LRRIQ3: variants seen among roughly 807,000 people sequenced by gnomAD.
LRRIQ3 encodes leucine rich repeats and IQ motif containing 3.
A neutral mutation model predicts 59.3 loss-of-function variants in LRRIQ3; 75 were observed. The ratio of observed to expected loss-of-function variants is 1.26; its 90% CI spans 1.05 to 1.53. The LOEUF (loss-of-function observed/expected upper bound fraction) is 1.53, where lower values mean the gene tolerates loss of function less well. Among genes scored for constraint, LRRIQ3 ranks in the 40% most tolerant of loss-of-function variants. LRRIQ3 has a pLI of 0.00. For synonymous variants in LRRIQ3, 250 were observed against 231.3 expected (o/e 1.08, Z -0.73); for missense variants, 831 against 710.0 (o/e 1.17, Z -1.94).
intron 3 of LRRIQ3, among the ~76,000 whole-genome samples, chr1:74,168,753 A>G (rs1649147803): frequency 6.6e-6 from 1 of 152,032 alleles, no homozygotes; most frequent in Non-Finnish European, 1.5e-5. Context: ...TTTCTCCCTC[A>G]GTTTTCCTGA....
At chr1:74,087,379 ATCTT>A (rs1646337768) in intron 5 of LRRIQ3, among the ~76,000 whole-genome samples, 1 of 20,948 alleles carries the variant, frequency 4.8e-5, no homozygotes, top group Non-Finnish European at 9.0e-5. Flanking sequence ...TTAAAATTTT[ATCTT>A]TTTTTTTTTT....
chr1:74,098,496 G>A (rs1298901936), intron 5 of LRRIQ3, among the ~76,000 whole-genome samples: 11 of 151,998 alleles, frequency 7.2e-5, no homozygotes, highest in African/African-American at 1.4e-4. Flanking sequence ...GCAGATCAAC[G>A]AGACAGAAAG....
At chr1:74,161,624 T>C (rs927721119) in intron 3 of LRRIQ3, among the ~76,000 whole-genome samples, 18 of 151,876 alleles carry the variant, frequency 1.2e-4, no homozygotes, top group African/African-American at 3.6e-4. Flanking sequence ...TAGAACCAAG[T>C]AGCCCTGGTC....
intron 6 of LRRIQ3, among the ~76,000 whole-genome samples, chr1:74,042,557 A>G (rs1424591757): frequency 6.6e-6 from 1 of 152,198 alleles, no homozygotes; most frequent in African/African-American, 2.4e-5. Flanking sequence ...GTTTGTTTAC[A>G]TACTAAGTTA....
chr1:74,067,871 G>GC (rs1251309445), intron 6 of LRRIQ3, among the ~76,000 whole-genome samples: 1 of 151,980 alleles, frequency 6.6e-6, no homozygotes. Context: ...TTCCATATGT[G>GC]CAAGGCCCTA....
intron 5 of LRRIQ3, among the ~76,000 whole-genome samples, chr1:74,094,344 G>A (rs984567328): frequency 6.6e-6 from 1 of 152,048 alleles, no homozygotes; most frequent in African/African-American, 2.4e-5. Context: ...TTATTGTGGT[G>A]TGCCTGATAA....
intron 4 of LRRIQ3, among the ~76,000 whole-genome samples, chr1:74,110,117 T>C (rs780128199): frequency 4.0e-5 from 6 of 151,760 alleles, no homozygotes; most frequent in Non-Finnish European, 5.9e-5. Flanking sequence ...TTTAACCCAA[T>C]AGATCAAAAA....
intron 4 of LRRIQ3, among the ~76,000 whole-genome samples, chr1:74,119,433 G>A (rs1646821726): frequency 1.3e-5 from 2 of 151,750 alleles, no homozygotes; most frequent in African/African-American, 4.8e-5. Context: ...CTATTTATAT[G>A]TGAACATTTT....
intron 6 of LRRIQ3, among the ~76,000 whole-genome samples, chr1:74,048,155 G>A (rs1654258890): frequency 6.6e-6 from 1 of 152,154 alleles, no homozygotes. Context: ...AGCTTGAACA[G>A]ACTAACACAA....
At chr1:74,055,612 G>A (rs1347358868) in intron 6 of LRRIQ3, among the ~76,000 whole-genome samples, 1 of 152,062 alleles carries the variant, frequency 6.6e-6, no homozygotes, top group African/African-American at 2.4e-5. Context: ...CTTACTGGTT[G>A]ATGGATATTT....
chr1:74,130,479 G>A (rs1054319579), intron 4 of LRRIQ3, among the ~76,000 whole-genome samples: 1 of 152,146 alleles, frequency 6.6e-6, no homozygotes, highest in Admixed American at 6.6e-5. Context: ...CACTGCCAGA[G>A]TGTGGGGGAA....
chr1:74,059,920 C>T (rs1451793406), intron 6 of LRRIQ3, among the ~76,000 whole-genome samples: 1 of 151,672 alleles, frequency 6.6e-6, no homozygotes, highest in Non-Finnish European at 1.5e-5. Flanking sequence ...TTATTTTATT[C>T]TTTTTTGTTG....
At chr1:74,189,532 C>T (rs546085318) in intron 1 of LRRIQ3, among the ~76,000 whole-genome samples, 2 of 152,062 alleles carry the variant, frequency 1.3e-5, no homozygotes, top group African/African-American at 4.8e-5. Flanking sequence ...GGGTTTAGAA[C>T]AGTGTTTGGC....
At position 74,026,383 on chromosome 1, in the gene LRRIQ3, T is replaced by C. The variant is rs767917560; in HGVS notation, c.*430A>G. 6.6e-6 allele frequency: 1 copy of C among 152,272 alleles called. No homozygotes were observed. Among genetic ancestry groups the C allele is most frequent in the Non-Finnish European group, 1.5e-5 (1 of 68,114 alleles). 9.4% of individuals were successfully genotyped at this position (152,272 alleles called of 1,614,324 possible). ...GTTTTAACAAAATAAGCAGGAAATA[T>C]ATAAAAGCAGGTAATAAAAGTCATC... On this transcript the variant is annotated 3_prime_UTR_variant, in exon 8 of 8. Coordinates refer to ENST00000354431, the MANE Select transcript of LRRIQ3 (RefSeq NM_001105659.2).
intron 6 of LRRIQ3, among the ~76,000 whole-genome samples, chr1:74,061,447 A>G (rs2100445143): frequency 6.6e-6 from 1 of 152,268 alleles, no homozygotes; most frequent in South Asian, 2.1e-4. Flanking sequence ...ATATTTTAAA[A>G]TTCGTATGGA....
intron 4 of LRRIQ3, among the ~76,000 whole-genome samples, chr1:74,141,300 T>G (rs1170503157): frequency 6.6e-6 from 1 of 151,822 alleles, no homozygotes; most frequent in Non-Finnish European, 1.5e-5. Flanking sequence ...TTCTTAATAG[T>G]ACATGATAGA....
chr1:74,152,893 C>G (rs1278546859), intron 4 of LRRIQ3, among the ~76,000 whole-genome samples: 1 of 152,072 alleles, frequency 6.6e-6, no homozygotes, highest in Non-Finnish European at 1.5e-5. Flanking sequence ...CACAAATGAC[C>G]AACACAAAAT....
chr1:74,091,916 C>T (rs1224073265), intron 5 of LRRIQ3, among the ~76,000 whole-genome samples: 2 of 152,030 alleles, frequency 1.3e-5, no homozygotes, highest in African/African-American at 4.8e-5. Flanking sequence ...CCTTTGTTTT[C>T]ATAATAGAAT....
chr1:74,026,440 GT>G lies in LRRIQ3; in HGVS notation c.*372del, dbSNP rs1410899853. ...CACAGTGTCTTAATAAAAGTCAGCAGTTGGAGTAGAAATTACTATTCTAAGG... is the reference window on the plus strand; with the variant it reads ...CACAGTGTCTTAATAAAAGTCAGCAGTGGAGTAGAAATTACTATTCTAAGG... On this transcript the variant is annotated 3_prime_UTR_variant, in exon 8 of 8. Coordinates refer to ENST00000354431, the MANE Select transcript of LRRIQ3 (RefSeq NM_001105659.2). The G allele has an allele frequency of 5.7e-5, 9 of 157,208 alleles. No homozygotes were observed. The highest frequency in any genetic ancestry group is 2.2e-4 in the African/African-American group (9 of 41,542). 9.7% of individuals were successfully genotyped at this position (157,208 alleles called of 1,614,324 possible).
Sources: gnomAD v4.1 joint callset for allele counts (sites outside exome capture counted in the v4.1 genomes callset) on GRCh38, gnomAD v4.1.1 for gene constraint, MANE v1.5 for transcripts, NCBI Gene and HGNC (gene_info 2026-07-23, HGNC 2026-07-21) for gene names.